The following GFM1 variants were observed in gnomAD, a reference collection of about 807,000 sequenced individuals.
GFM1 encodes elongation factor G, mitochondrial.
Under a neutral mutation model 96.2 loss-of-function variants are expected in GFM1, and 62 were observed. That is an observed-to-expected ratio of 0.64 (90% CI 0.53 to 0.80). The LOEUF is 0.80. Ranked by LOEUF, GFM1 falls within the 30% of genes least tolerant of loss-of-function variation. GFM1 has a pLI of 0.00. For missense variants in GFM1, 852 were observed against 916.6 expected (o/e 0.93, Z 0.91); for synonymous variants, 282 against 312.9 (o/e 0.90, Z 1.04).
At chr3:158,666,162 T>TC (rs1037873655) in intron 12 of GFM1, 142 bp from the exon 13 acceptor site, 1 of 667,202 alleles carries the variant, frequency 1.5e-6, no homozygotes, top group African/African-American at 1.8e-5. Context: ...ACATACCTAA[T>TC]CCTTATAAGA....
At chr3:158,645,138 G>A (rs954779970) in intron 1 of GFM1, among the ~76,000 whole-genome samples, 16 of 152,016 alleles carry the variant, frequency 1.1e-4, no homozygotes, top group African/African-American at 3.9e-4. Context: ...TTCATGAATT[G>A]TTTTTGTTTG....
At chr3:158,673,191 A>T (rs531205645) in intron 13 of GFM1, among the ~76,000 whole-genome samples, 1 of 152,282 alleles carries the variant, frequency 6.6e-6, no homozygotes, top group Non-Finnish European at 1.5e-5. Flanking sequence ...CAGGAGAAAT[A>T]AAAAAATGCA....
chr3:158,649,313 C>A, intron 5 of GFM1, 156 bp downstream of exon 5: 1 of 532,240 alleles, frequency 1.9e-6, no homozygotes, highest in Non-Finnish European at 3.3e-6. Flanking sequence ...TAATCCTAGT[C>A]GCTCCCCATT....
chr3:158,649,497 A>G (rs933900771), intron 5 of GFM1: 1 of 237,034 alleles, frequency 4.2e-6, no homozygotes, highest in Non-Finnish European at 8.3e-6. Flanking sequence ...CATTCTGTGG[A>G]CTTTTATAGA....
chr3:158,684,407 G>A lies in GFM1; in HGVS notation c.1765-117G>A, dbSNP rs974340375. 38 of 997,950 alleles carry A rather than the reference G, an allele frequency of 3.8e-5. 2 individuals carry two copies. In the South Asian group the frequency reaches 5.2e-4, roughly 14 times the overall value. The allele number at this position is 997,950 out of a possible 1,614,324, so 61.8% of individuals were successfully genotyped here. ...ATTTTTAAAAAATTATTTTTGAGGG[G>A]TGAAATACAGCACACATAAAAACGT... On this transcript the variant is annotated intron_variant, in intron 14 of 17. Transcript: ENST00000486715.
At chr3:158,650,882 G>T (rs1196200558) in intron 5 of GFM1, 1 of 151,954 alleles carries the variant, frequency 6.6e-6, no homozygotes, top group Non-Finnish European at 1.5e-5. Context: ...TTAGCCGGGC[G>T]TGGTGGCGGG....
chr3:158,662,792 C>A, intron 11 of GFM1, 108 bp downstream of exon 11: 1 of 755,286 alleles, frequency 1.3e-6, no homozygotes, highest in Non-Finnish European at 2.4e-6. Context: ...GTCTTATGGT[C>A]TCTATTTCCT....
At chr3:158,682,608 A>G (rs1297109693) in intron 14 of GFM1, among the ~76,000 whole-genome samples, 1 of 152,236 alleles carries the variant, frequency 6.6e-6, no homozygotes, top group East Asian at 1.9e-4. Context: ...ACTGAGAGAA[A>G]ATACTTAAAC....
intron 13 of GFM1, among the ~76,000 whole-genome samples, chr3:158,672,077 T>C (rs533777580): frequency 6.6e-6 from 1 of 152,308 alleles, no homozygotes; most frequent in South Asian, 2.1e-4. Flanking sequence ...GCCCCTTACC[T>C]AGAGCGTGTT....
chr3:158,653,336 A>G lies in GFM1; in HGVS notation c.867A>G (p.Lys289=). 1 of 1,613,628 alleles carries G rather than the reference A, an allele frequency of 6.2e-7. No individual in the cohort carries two copies. Among genetic ancestry groups the G allele is most frequent in the Non-Finnish European group, 8.5e-7 (1 of 1,179,702 alleles). The change falls in exon 7 of 18, where the codon AAA becomes AAG. Residue 289 remains lysine, a synonymous_variant. Transcript: ENST00000486715. ...TAGCAATTCGAAGAGCTACTCTGAA[A>G]AGATCATTTACTCCTGTATTTTTGG... ...LKLAIRRATL[K]RSFTPVFLGS... is the part of the protein sequence containing the mutation.
At position 158,646,709 on chromosome 3, in the gene GFM1, T is replaced by A. The variant is rs527243547; in HGVS notation, c.368-34T>A. The A allele has an allele frequency of 7.3e-4, 1,141 of 1,566,138 alleles. 34 individuals carry two copies. The South Asian group carries it at 0.012, about 17-fold the overall frequency. The stretch of plus-strand genomic sequence containing the variant: ...TGCATATATTAAAAATTCAGATTGC[T>A]CTTTAAGACCCTCTCATACTTCATC... On this transcript the variant is annotated intron_variant, in intron 3 of 17. Transcript: ENST00000486715.
intron 7 of GFM1, among the ~76,000 whole-genome samples, chr3:158,654,116 T>C (rs756325265): frequency 2.6e-5 from 4 of 152,046 alleles, no homozygotes; most frequent in Non-Finnish European, 4.4e-5. Context: ...TGGTTATGTT[T>C]TCTTTTCTTT....
At chr3:158,647,712 T>A (rs981242801) in intron 4 of GFM1, among the ~76,000 whole-genome samples, 5 of 152,226 alleles carry the variant, frequency 3.3e-5, no homozygotes, top group African/African-American at 1.2e-4. Context: ...AACTTTTTTT[T>A]GGTAAATTGT....
At chr3:158,682,668 T>C (rs955513770) in intron 14 of GFM1, among the ~76,000 whole-genome samples, 1 of 152,192 alleles carries the variant, frequency 6.6e-6, no homozygotes, top group Non-Finnish European at 1.5e-5. Flanking sequence ...TGACATTTCC[T>C]TGGAGAAGTG....
At position 158,691,141 on chromosome 3, in the gene GFM1, C is replaced by T. The variant is rs757061059; in HGVS notation, c.2073C>T (p.Val691=). Residue 691 remains valine, a splice_region_variant and synonymous_variant, in exon 17 of 18, where the codon GTC becomes GTT. Transcript: ENST00000486715. The part of the protein sequence containing the change: ...VEDYFTLYAD[V]PLNDMFGYST... ...ATATCTACTATGTTTGTTTTCAGGT[C>T]CCTCTAAATGATATGTTTGGTTATT... 6.2e-7 allele frequency: 1 copy of T among 1,606,826 alleles called. No individual in the cohort carries two copies. Among genetic ancestry groups the T allele is most frequent in the Non-Finnish European group, 8.5e-7 (1 of 1,173,570 alleles).
At chr3:158,689,315 C>G (rs1053963579) in intron 15 of GFM1, among the ~76,000 whole-genome samples, 1 of 152,030 alleles carries the variant, frequency 6.6e-6, no homozygotes, top group Non-Finnish European at 1.5e-5. Context: ...AAATTTGAGA[C>G]CTGGACAAAT....
chr3:158,659,081 G>A (rs1722992484), intron 9 of GFM1, 22 bp downstream of exon 9: 2 of 1,613,998 alleles, frequency 1.2e-6, no homozygotes, highest in South Asian at 2.2e-5. Context: ...GTCATTGTGA[G>A]ATTAGAAATT....
intron 13 of GFM1, among the ~76,000 whole-genome samples, chr3:158,675,925 A>G (rs901836696): frequency 9.2e-5 from 14 of 152,216 alleles, no homozygotes; most frequent in Admixed American, 6.5e-5. Context: ...GTTGTTATAT[A>G]TGTGTTGTTT....
rs894209382 is a variant in GFM1, at chr3:158,692,659, G to A, written c.*1192G>A. ...GATCTTTAAAAAGTATTGAGCACAT[G>A]TTTTCAAGGCATTTGCTAAATACTT... is the stretch of plus-strand genomic sequence containing the variant. On this transcript the variant is annotated 3_prime_UTR_variant, in exon 18 of 18. Coordinates refer to ENST00000486715, the MANE Select transcript of GFM1 (RefSeq NM_024996.7). 1 of 151,236 alleles carries A rather than the reference G, an allele frequency of 6.6e-6. No individual in the cohort carries two copies. The highest frequency in any genetic ancestry group is 1.5e-5 in the Non-Finnish European group (1 of 67,810). The allele number at this position is 151,236 out of a possible 1,614,324, so 9.4% of individuals were successfully genotyped here.
Sources: allele counts gnomAD v4.1 joint callset (sites outside exome capture counted in the v4.1 genomes callset), GRCh38; gene constraint gnomAD v4.1.1; transcripts MANE v1.5; gene names NCBI Gene and HGNC (gene_info 2026-07-23, HGNC 2026-07-21).